The following PNPLA7 variants were observed in gnomAD, a reference collection of about 807,000 sequenced individuals.
PNPLA7 encodes the protein patatin-like phospholipase domain-containing protein 7.
Under a neutral mutation model 161.7 loss-of-function variants are expected in PNPLA7, and 153 were observed. That is an observed-to-expected ratio of 0.95 (90% CI 0.83 to 1.08). The LOEUF is 1.08. PNPLA7 is among the 50% of genes least tolerant of loss of function. The pLI is 0.00. For missense variants in PNPLA7, 1,739 were observed against 1,856.6 expected (o/e 0.94, Z 1.16); for synonymous variants, 809 against 782.1 (o/e 1.03, Z -0.57).
chr9:137,514,341 C>T (rs1420504742), intron 12 of PNPLA7, among the ~76,000 whole-genome samples: 1 of 140,594 alleles, frequency 7.1e-6, no homozygotes, highest in Non-Finnish European at 1.5e-5. Flanking sequence ...GGCCCCGTGG[C>T]CGGGCTGCGG....
chr9:137,513,993 C>T (rs1239578856), intron 12 of PNPLA7, among the ~76,000 whole-genome samples: 2 of 152,262 alleles, frequency 1.3e-5, no homozygotes, highest in African/African-American at 4.8e-5. Context: ...CACGGCTGCA[C>T]TGCCGGGCAG....
chr9:137,515,369 G>C lies in PNPLA7; in HGVS notation c.1225+10C>G. On this transcript the variant is annotated intron_variant, in intron 12 of 34. Transcript: ENST00000406427. ...GTCACACTGGCTGGGCAGCCGTCGA[G>C]GTTCTTTACCTTGTGGGGCCGAAGG... 1.3e-6 allele frequency: 2 copies of C among 1,598,118 alleles called. No individual in the cohort carries two copies. The highest frequency in any genetic ancestry group is 1.7e-6 in the Non-Finnish European group (2 of 1,173,564).
At chr9:137,516,285 C>G in intron 11 of PNPLA7, 2 of 980,550 alleles carry the variant, frequency 2.0e-6, no homozygotes, top group Non-Finnish European at 1.2e-6. Context: ...ATGGGCCACG[C>G]AGGGCTGCAT....
chr9:137,493,728 G>T (rs1384713553), intron 19 of PNPLA7, among the ~76,000 whole-genome samples: 2 of 152,226 alleles, frequency 1.3e-5, no homozygotes, highest in Non-Finnish European at 2.9e-5. Context: ...CTGCTCCGAG[G>T]CGCTCATGAG....
intron 11 of PNPLA7, chr9:137,516,243 T>G: frequency 3.4e-6 from 3 of 887,282 alleles, no homozygotes; most frequent in Non-Finnish European, 4.0e-6. Flanking sequence ...GGGCGTCCCA[T>G]TGGTGGATGT....
In PNPLA7 at chr9:137,522,887, C is replaced by G. The variant is rs761357424; in HGVS notation, c.748-30G>C. 4.4e-6 allele frequency: 7 copies of G among 1,609,026 alleles called. No homozygotes were observed. The South Asian group carries it at 7.7e-5, about 18-fold the overall frequency. ...AACAACAGCTCCATCAGTCCCCACT[C>G]TGTGGGCCTGGCCAACCCCCCAGGG... On this transcript the variant is annotated intron_variant, in intron 8 of 34. Coordinates refer to ENST00000406427, the MANE Select transcript of PNPLA7 (RefSeq NM_001098537.3).
chr9:137,475,178 C>A (rs1182264509), intron 25 of PNPLA7, among the ~76,000 whole-genome samples: 1 of 151,830 alleles, frequency 6.6e-6, no homozygotes, highest in African/African-American at 2.4e-5. Flanking sequence ...GCAAAAAGAG[C>A]CACATGAAGG....
Position 137,519,962 on chromosome 9 carries a change from C to T in PNPLA7, c.1039G>A (p.Glu347Lys), listed in dbSNP as rs1289058097. ...AKKQVFYGEE[E>K]RLKKPPRLQE... ...AGCCGCGGTGGCTTTTTAAGCCGCTCTTCTTCGCCATAGAACACCTGCTTC... is the reference window on the plus strand; with the variant it reads ...AGCCGCGGTGGCTTTTTAAGCCGCTTTTCTTCGCCATAGAACACCTGCTTC... The change falls in exon 11 of 35, where the codon GAG becomes AAG. Residue 347 changes from glutamate to lysine, a missense_variant. By Grantham distance (56) the Glu-to-Lys change is moderately conservative (BLOSUM62 1). Around this residue, in one of 6 missense-constraint regions of PNPLA7, gnomAD observed 152 missense variants for 193.5 expected, o/e 0.79. Transcript: ENST00000406427. The T allele has an allele frequency of 2.5e-6, 4 of 1,612,842 alleles. No homozygotes were observed. The highest frequency in any genetic ancestry group is 1.7e-6 in the Non-Finnish European group (2 of 1,179,896).
At chr9:137,521,562 C>A in intron 10 of PNPLA7, 74 bp downstream of exon 10, 1 of 1,468,962 alleles carries the variant, frequency 6.8e-7, no homozygotes, top group South Asian at 1.2e-5. Flanking sequence ...GGGCGCCTGC[C>A]GTGCCAACCA....
chr9:137,485,091 T>A (rs2132170416), intron 20 of PNPLA7, among the ~76,000 whole-genome samples: 1 of 152,350 alleles, frequency 6.6e-6, no homozygotes, highest in South Asian at 2.1e-4. Context: ...GGAGGCTGTC[T>A]TGGTCTCACG....
At chr9:137,504,369 A>G (rs10867096) in intron 14 of PNPLA7, among the ~76,000 whole-genome samples, 107,593 of 152,076 alleles carry the variant, frequency 0.71, 38,545 homozygotes, top group East Asian at 0.87. Context: ...GTGCCATCAC[A>G]CCCAGCTAAT....
At chr9:137,533,552 C>T (rs1015436608) in intron 8 of PNPLA7, among the ~76,000 whole-genome samples, 1 of 147,280 alleles carries the variant, frequency 6.8e-6, no homozygotes, top group African/African-American at 2.5e-5. Context: ...CAGAATCCTC[C>T]CCAACAATGT....
chr9:137,502,694 G>GGGGACGA (rs1833520773), intron 14 of PNPLA7, among the ~76,000 whole-genome samples: 1 of 14,708 alleles, frequency 6.8e-5, no homozygotes, highest in African/African-American at 4.2e-4. Flanking sequence ...GAGGGGGACG[G>GGGGACGA]GGGGGACGCG....
At chr9:137,462,076 G>C in intron 31 of PNPLA7, 35 bp from the exon 32 acceptor site, 4 of 1,537,732 alleles carry the variant, frequency 2.6e-6, no homozygotes, top group Non-Finnish European at 3.5e-6. Flanking sequence ...CAGGAGGTGT[G>C]GGGAGCCCCC....
chr9:137,503,404 G>C (rs946428130), intron 14 of PNPLA7, among the ~76,000 whole-genome samples: 1 of 148,134 alleles, frequency 6.8e-6, no homozygotes, highest in Non-Finnish European at 1.5e-5. Context: ...GGAAGGAGGA[G>C]GGAGAAGGAG....
chr9:137,461,499 G>A (rs756549372), intron 33 of PNPLA7, 37 bp downstream of exon 33: 5 of 1,579,368 alleles, frequency 3.2e-6, no homozygotes, highest in Admixed American at 3.4e-5. Flanking sequence ...AGGAGGTCAC[G>A]CACGTCTCCA....
intron 4 of PNPLA7, among the ~76,000 whole-genome samples, chr9:137,544,597 C>T (rs1588718123): frequency 6.6e-6 from 1 of 152,302 alleles, no homozygotes; most frequent in East Asian, 1.9e-4. Context: ...TCACAGACAC[C>T]CACATCCCTC....
At chr9:137,479,337 C>CG in intron 23 of PNPLA7, 99 bp from the exon 24 acceptor site, 1 of 1,366,428 alleles carries the variant, frequency 7.3e-7, no homozygotes, top group Non-Finnish European at 9.4e-7. Flanking sequence ...GGCAGGACCC[C>CG]GGGAGCAGCT....
At chr9:137,509,425 A>C (rs577503550) in intron 12 of PNPLA7, 1 of 205,746 alleles carries the variant, frequency 4.9e-6, no homozygotes, top group Admixed American at 5.5e-5. Flanking sequence ...TTTAGCTGGC[A>C]TGAGTGAGTT....
Sources: gnomAD v4.1 joint callset for allele counts (sites outside exome capture counted in the v4.1 genomes callset) on GRCh38, gnomAD v4.1.1 for gene constraint, gnomAD v4.1.1 regional missense constraint, MANE v1.5 for transcripts, NCBI Gene and HGNC (gene_info 2026-07-23, HGNC 2026-07-21) for gene names.